The following ZNF385D variants were observed in gnomAD, a reference collection of about 807,000 sequenced individuals.
ZNF385D encodes zinc finger protein 659.
ZNF385D carries 15 observed loss-of-function variants against 35.8 expected under a neutral mutation model. That is an observed-to-expected ratio of 0.42 (90% CI 0.28 to 0.64). The LOEUF (loss-of-function observed/expected upper bound fraction) is 0.64, where lower values mean the gene tolerates loss of function less well. Among genes scored for constraint, ZNF385D ranks in the 30% least tolerant of loss-of-function variants. ZNF385D has a pLI of 0.23. For missense variants in ZNF385D, 474 were observed against 494.6 expected, an observed-to-expected ratio of 0.96 and a Z score of 0.39; for synonymous variants, 212 against 186.8, an observed-to-expected ratio of 1.13 and a Z score of -1.10.
At position 21,539,402 on chromosome 3, in the gene ZNF385D, T is replaced by C. The variant is rs1214725096; in HGVS notation, c.276+25172A>G. On this transcript the variant is annotated intron_variant, in intron 3 of 7. Transcript: ENST00000281523. The surrounding 1 kb of genome is among the most constrained non-coding windows in gnomAD (Gnocchi z 4.0). ...AAACACAGAACTCTCTGTTGGCCTA[T>C]TTCAATCAAAAATAGATATATATCA... Among the ~76,000 whole-genome samples the C allele has an allele frequency of 6.6e-6, 1 of 152,204 alleles. No individual in the cohort carries two copies. The highest frequency in any genetic ancestry group is 1.9e-4 in the East Asian group (1 of 5,200).
intron 3 of ZNF385D, among the ~76,000 whole-genome samples, chr3:22,074,757 A>G (rs1187419544): frequency 6.6e-6 from 1 of 151,892 alleles, no homozygotes; most frequent in East Asian, 1.9e-4. Context: ...GTTCAATCTT[A>G]CTTGTTCCAT....
At chr3:22,015,704 T>C (rs7634554) in intron 3 of ZNF385D, among the ~76,000 whole-genome samples, 42,256 of 152,008 alleles carry the variant, frequency 0.28, 6,858 homozygotes, top group East Asian at 0.48. Context: ...GGTCTTTGGT[T>C]TTTCTCTTGT....
intron 1 of ZNF385D, among the ~76,000 whole-genome samples, chr3:21,686,587 G>T (rs1178666824): frequency 2.0e-5 from 3 of 152,008 alleles, no homozygotes; most frequent in Non-Finnish European, 2.9e-5. Context: ...TAATAATAAA[G>T]GAATATTTTA....
At chr3:22,155,964 G>C (rs1705556348) in intron 3 of ZNF385D, among the ~76,000 whole-genome samples, 1 of 152,058 alleles carries the variant, frequency 6.6e-6, no homozygotes, top group Admixed American at 6.6e-5. Flanking sequence ...CAAGGACTTT[G>C]AATTTTAGAT....
At chr3:21,610,348 T>C (rs1575315126) in intron 2 of ZNF385D, among the ~76,000 whole-genome samples, 1 of 152,266 alleles carries the variant, frequency 6.6e-6, no homozygotes, top group African/African-American at 2.4e-5. Flanking sequence ...TAACTTTGAG[T>C]TATTACAGTG....
intron 3 of ZNF385D, among the ~76,000 whole-genome samples, chr3:22,159,519 T>C (rs577092074): frequency 1.4e-4 from 22 of 152,136 alleles, no homozygotes; most frequent in Non-Finnish European, 2.4e-4. Flanking sequence ...GGGACAGAGA[T>C]TGCACAAAGA....
intron 3 of ZNF385D, among the ~76,000 whole-genome samples, chr3:21,976,725 T>A (rs1703647092): frequency 6.6e-6 from 1 of 152,156 alleles, no homozygotes; most frequent in Non-Finnish European, 1.5e-5. Context: ...TGGGCAGGTG[T>A]CTCACGCTTG....
At chr3:22,098,023 A>G (rs1701722090) in intron 3 of ZNF385D, among the ~76,000 whole-genome samples, 1 of 152,094 alleles carries the variant, frequency 6.6e-6, no homozygotes, top group Non-Finnish European at 1.5e-5. Flanking sequence ...TGAAGCTACT[A>G]GGAACTCACA....
At chr3:22,317,410 G>A (rs1338116009) in intron 2 of ZNF385D, among the ~76,000 whole-genome samples, 1 of 146,972 alleles carries the variant, frequency 6.8e-6, no homozygotes, top group Non-Finnish European at 1.5e-5. Context: ...GAAAATAAAA[G>A]AGACTGGGAG....
At chr3:22,313,465 A>G (rs564963470) in intron 2 of ZNF385D, among the ~76,000 whole-genome samples, 2 of 152,190 alleles carry the variant, frequency 1.3e-5, no homozygotes, top group Non-Finnish European at 2.9e-5. Context: ...CTGTAGAAAA[A>G]TTAAATTATG....
chr3:22,270,826 T>A (rs180907446), intron 2 of ZNF385D, among the ~76,000 whole-genome samples: 88 of 152,160 alleles, frequency 5.8e-4, no homozygotes, highest in Admixed American at 1.0e-3. Flanking sequence ...AACTTACTTA[T>A]GTAATTTTCC....
chr3:22,266,088 T>C (rs1054737688), intron 2 of ZNF385D, among the ~76,000 whole-genome samples: 1 of 151,980 alleles, frequency 6.6e-6, no homozygotes, highest in Non-Finnish European at 1.5e-5. Flanking sequence ...AGCCCTGGAA[T>C]TTCTGTCAAT....
intron 2 of ZNF385D, among the ~76,000 whole-genome samples, chr3:21,634,184 G>A (rs2065359030): frequency 6.6e-6 from 1 of 151,648 alleles, no homozygotes; most frequent in South Asian, 2.1e-4. Flanking sequence ...GTGACAGAGT[G>A]AGAACCTGTC....
chr3:21,703,288 A>G (rs1271125576), intron 1 of ZNF385D, among the ~76,000 whole-genome samples: 2 of 152,154 alleles, frequency 1.3e-5, no homozygotes, highest in Non-Finnish European at 2.9e-5. Flanking sequence ...CAGATCCATG[A>G]GACTTAATCA....
At chr3:22,123,762 G>A (rs748399864) in intron 3 of ZNF385D, among the ~76,000 whole-genome samples, 1 of 151,982 alleles carries the variant, frequency 6.6e-6, no homozygotes. Flanking sequence ...TCGGGAGGCC[G>A]AGGCAGGGAG....
chr3:22,175,525 T>C (rs146510580), intron 2 of ZNF385D, among the ~76,000 whole-genome samples: 1 of 152,022 alleles, frequency 6.6e-6, no homozygotes, highest in Admixed American at 6.6e-5. Flanking sequence ...AAGTTGCCCA[T>C]GCAGGATTTA....
At chr3:22,340,000 A>G (rs573975700) in intron 2 of ZNF385D, among the ~76,000 whole-genome samples, 1 of 152,278 alleles carries the variant, frequency 6.6e-6, no homozygotes, top group Admixed American at 6.5e-5. Context: ...CCCATCAGTC[A>G]TGTACTCATA....
Position 21,465,657 on chromosome 3 carries a change from A to G in ZNF385D, c.440-28454T>C, listed in dbSNP as rs1703466895. Reference sequence around the variant, plus strand: ...CTCACATCTGTGTAAGTCTCCGTGTATCTTATTTTCTTTCCTGGCTCTGCT... The same window carrying G: ...CTCACATCTGTGTAAGTCTCCGTGTGTCTTATTTTCTTTCCTGGCTCTGCT... On this transcript the variant is annotated intron_variant, in intron 4 of 7. Coordinates refer to ENST00000281523, the MANE Select transcript of ZNF385D (RefSeq NM_024697.3). The surrounding 1 kb of genome is among the most constrained non-coding windows in gnomAD (Gnocchi z 4.2). Among the ~76,000 whole-genome samples, 1 of 152,198 alleles carries G rather than the reference A, an allele frequency of 6.6e-6. No homozygotes were observed. Among genetic ancestry groups the G allele is most frequent in the Admixed American group, 6.5e-5 (1 of 15,278 alleles).
intron 2 of ZNF385D, among the ~76,000 whole-genome samples, chr3:22,292,813 G>A (rs908256996): frequency 2.0e-5 from 3 of 151,948 alleles, no homozygotes; most frequent in African/African-American, 7.2e-5. Context: ...ATTACTTTCT[G>A]GGGGCAAAAT....
Sources: gnomAD v4.1 joint callset for allele counts (sites outside exome capture counted in the v4.1 genomes callset) on GRCh38, gnomAD v4.1.1 for gene constraint, Gnocchi (gnomAD v3.1) non-coding constraint, MANE v1.5 for transcripts, NCBI Gene and HGNC (gene_info 2026-07-23, HGNC 2026-07-21) for gene names.